Variants in MCC observed in about 807,000 individuals in gnomAD.
MCC encodes colorectal mutant cancer protein.
A neutral mutation model predicts 116.2 loss-of-function variants in MCC; 90 were observed. That is an observed-to-expected ratio of 0.77 (90% CI 0.65 to 0.92). The LOEUF (loss-of-function observed/expected upper bound fraction) is 0.92, where lower values mean the gene tolerates loss of function less well. Among genes scored for constraint, MCC ranks in the 40% least tolerant of loss-of-function variants. The pLI is 0.00. For synonymous variants in MCC, 578 were observed against 510.5 expected (o/e 1.13, Z -1.78); for missense variants, 1,516 against 1,312.2 (o/e 1.16, Z -2.40).
chr5:113,076,619 T>C (rs550583758), intron 11 of MCC, among the ~76,000 whole-genome samples: 29 of 152,332 alleles, frequency 1.9e-4, no homozygotes, highest in Non-Finnish European at 2.8e-4. Context: ...CTGAGAGATT[T>C]TGTCACCACC....
At position 113,025,228 on chromosome 5, in the gene MCC, A is replaced by AAAT. The variant is rs1241888976; in HGVS notation, c.*2071_*2073dup. 6.9e-6 allele frequency: 1 copy of AAAT among 145,438 alleles called. No individual in the cohort carries two copies. The highest frequency in any genetic ancestry group is 2.5e-5 in the African/African-American group (1 of 40,514). 9.0% of individuals were successfully genotyped at this position (145,438 alleles called of 1,614,324 possible). On this transcript the variant is annotated 3_prime_UTR_variant, in exon 19 of 19. Transcript: ENST00000408903. The stretch of plus-strand genomic sequence containing the variant: ...GGACGTTTCCCTAGGCAAGCTGGAA[A>AAAT]AATAGTGAAAACTGATTTTTTTTTT...
chr5:113,434,318 G>C lies in MCC; in HGVS notation c.171-49106C>G. The C allele has an allele frequency of 2.5e-6, 4 of 1,613,750 alleles. No homozygotes were observed. The highest frequency in any genetic ancestry group is 3.4e-6 in the Non-Finnish European group (4 of 1,179,846). ...CCGCATACGCTGGTGACCCACAGAAGGTCTTGCTTAATGCCATTCGACCAC... is the reference window on the plus strand; with the variant it reads ...CCGCATACGCTGGTGACCCACAGAACGTCTTGCTTAATGCCATTCGACCAC... On this transcript the variant is annotated intron_variant, in intron 1 of 18. Coordinates refer to ENST00000408903, the MANE Select transcript of MCC (RefSeq NM_001085377.2). The surrounding 1 kb of genome is among the most constrained non-coding windows in gnomAD (Gnocchi z 4.2).
intron 6 of MCC, among the ~76,000 whole-genome samples, chr5:113,115,752 T>G (rs1581094670): frequency 2.6e-5 from 4 of 152,272 alleles, no homozygotes; most frequent in East Asian, 1.9e-4. Context: ...CAAATCTACG[T>G]ATAATCATTT....
At chr5:113,361,441 T>C (rs948833902) in intron 2 of MCC, among the ~76,000 whole-genome samples, 6 of 152,232 alleles carry the variant, frequency 3.9e-5, no homozygotes, top group African/African-American at 1.4e-4. Context: ...ATAAAAGCTA[T>C]CAAATTTCTC....
intron 10 of MCC, 53 bp downstream of exon 10, chr5:113,084,047 TG>T: frequency 7.3e-7 from 1 of 1,375,194 alleles, no homozygotes; most frequent in South Asian, 1.2e-5. Flanking sequence ...TATAATCCAT[TG>T]TCTGTGTAGC....
chr5:113,075,336 C>T (rs760599046), intron 11 of MCC, among the ~76,000 whole-genome samples: 10 of 152,174 alleles, frequency 6.6e-5, no homozygotes, highest in Non-Finnish European at 1.0e-4. Context: ...TGTGGGTTCC[C>T]GTGCATCCCA....
At chr5:113,472,487 C>A (rs1772120927) in intron 1 of MCC, among the ~76,000 whole-genome samples, 1 of 152,210 alleles carries the variant, frequency 6.6e-6, no homozygotes, top group Admixed American at 6.5e-5. Context: ...TCCTTAAGGT[C>A]ACAAGTTATA....
chr5:113,313,621 G>A (rs1767192725), intron 3 of MCC, among the ~76,000 whole-genome samples: 1 of 152,122 alleles, frequency 6.6e-6, no homozygotes, highest in Non-Finnish European at 1.5e-5. Context: ...ATCAGTATTG[G>A]CCTTCAGCTA....
chr5:113,219,216 T>A (rs944089570), intron 3 of MCC, among the ~76,000 whole-genome samples: 4 of 152,194 alleles, frequency 2.6e-5, no homozygotes, highest in Non-Finnish European at 4.4e-5. Context: ...AAGATTTCAT[T>A]TGAACAAAGA....
intron 15 of MCC, among the ~76,000 whole-genome samples, chr5:113,051,034 T>G (rs957763087): frequency 6.6e-6 from 1 of 152,212 alleles, no homozygotes; most frequent in African/African-American, 2.4e-5. Context: ...AAAATCTCTT[T>G]CCAGGAATTA....
intron 4 of MCC, among the ~76,000 whole-genome samples, chr5:113,147,189 T>C (rs1381566715): frequency 1.3e-5 from 2 of 152,150 alleles, no homozygotes; most frequent in Non-Finnish European, 2.9e-5. Context: ...ATTGGTGAAA[T>C]TGCCTATATG....
chr5:113,315,076 T>C (rs1364263138), intron 3 of MCC, among the ~76,000 whole-genome samples: 2 of 152,244 alleles, frequency 1.3e-5, no homozygotes, highest in Non-Finnish European at 2.9e-5. Flanking sequence ...TGTTTTATGA[T>C]GAAATACATT....
intron 3 of MCC, among the ~76,000 whole-genome samples, chr5:113,253,430 C>G (rs548729429): frequency 6.6e-6 from 1 of 152,204 alleles, no homozygotes; most frequent in African/African-American, 2.4e-5. Context: ...GGGGATCTCT[C>G]CTCTGGCATT....
At chr5:113,057,227 G>A (rs1169219484) in intron 14 of MCC, among the ~76,000 whole-genome samples, 2 of 152,200 alleles carry the variant, frequency 1.3e-5, no homozygotes, top group Non-Finnish European at 2.9e-5. Context: ...TATAAGGGCT[G>A]TGTCTTTTTC....
At chr5:113,098,921 G>C (rs1219443723) in intron 8 of MCC, among the ~76,000 whole-genome samples, 1 of 152,172 alleles carries the variant, frequency 6.6e-6, no homozygotes, top group African/African-American at 2.4e-5. Context: ...CTGTCACAGG[G>C]TAAAAATAAA....
intron 1 of MCC, among the ~76,000 whole-genome samples, chr5:113,387,329 ATGTT>A (rs769734789): frequency 2.0e-5 from 3 of 152,270 alleles, no homozygotes; most frequent in Middle Eastern, 3.4e-3. Flanking sequence ...AACTGGAAAA[ATGTT>A]TGTTTGGTTT....
At chr5:113,233,853 ACT>A (rs1205829706) in intron 3 of MCC, among the ~76,000 whole-genome samples, 1 of 152,174 alleles carries the variant, frequency 6.6e-6, no homozygotes, top group South Asian at 2.1e-4. Context: ...GTCTAGGATG[ACT>A]CTGTCAGAAG....
intron 5 of MCC, among the ~76,000 whole-genome samples, chr5:113,124,436 C>T (rs574076198): frequency 6.6e-6 from 1 of 152,322 alleles, no homozygotes; most frequent in Non-Finnish European, 1.5e-5. Flanking sequence ...ACGTAATCAG[C>T]TTTGGCTCAG....
At chr5:113,426,167 A>G (rs1435869996) in intron 1 of MCC, among the ~76,000 whole-genome samples, 3 of 152,120 alleles carry the variant, frequency 2.0e-5, no homozygotes, top group Non-Finnish European at 2.9e-5. Context: ...CTGGATGCCA[A>G]TGCAAGCAGA....
Sources: allele counts gnomAD v4.1 joint callset (sites outside exome capture counted in the v4.1 genomes callset), GRCh38; gene constraint gnomAD v4.1.1; non-coding constraint Gnocchi (gnomAD v3.1); transcripts MANE v1.5; gene names NCBI Gene and HGNC (gene_info 2026-07-23, HGNC 2026-07-21).